CDC42EP1: variants seen among roughly 807,000 people sequenced by gnomAD.
CDC42EP1 encodes CDC42 effector protein 1.
Under a neutral mutation model 7.4 loss-of-function variants are expected in CDC42EP1, and 6 were observed. The observed-to-expected ratio is 0.81, with a 90% CI of 0.44 to 1.60. The LOEUF (loss-of-function observed/expected upper bound fraction) is 1.60. Among genes scored for constraint, CDC42EP1 ranks in the 40% most tolerant of loss-of-function variants. The pLI, the probability that CDC42EP1 is intolerant of heterozygous loss-of-function variation, is 0.01. For missense variants in CDC42EP1, 567 were observed against 539.0 expected (o/e 1.05, Z -0.51); for synonymous variants, 238 against 227.1 (o/e 1.05, Z -0.43).
intron 1 of CDC42EP1, among the ~76,000 whole-genome samples, chr22:37,562,642 C>T (rs951727706): frequency 2.6e-5 from 4 of 152,096 alleles, no homozygotes; most frequent in Admixed American, 6.5e-5. Flanking sequence ...GTCTCTCGAC[C>T]GCAGTAGGCA....
Position 37,568,320 on chromosome 22 carries a change from G to T in CDC42EP1, c.676G>T (p.Ala226Ser), listed in dbSNP as rs370872947. 2.5e-6 allele frequency: 4 copies of T among 1,609,924 alleles called. No homozygotes were observed. The African/African-American group carries it at 5.4e-5, about 22-fold the overall frequency. ...LPEAPAAETP[A>S]PAANPPAPTA... Reference sequence around the variant, plus strand: ...AGAAGCCCCTGCAGCTGAGACTCCAGCCCCCGCTGCAAACCCCCCAGCCCC... The same window carrying T: ...AGAAGCCCCTGCAGCTGAGACTCCATCCCCCGCTGCAAACCCCCCAGCCCC... The change falls in exon 3 of 3, where the codon GCC (alanine) becomes TCC (serine). Residue 226 changes from alanine to serine, a missense_variant. By Grantham distance (99) the Ala-to-Ser change is moderately conservative. Coordinates refer to ENST00000249014, the MANE Select transcript of CDC42EP1 (RefSeq NM_152243.3).
rs776700659 is a variant in CDC42EP1 at position 37,566,562 on chromosome 22, C to T, written c.213C>T (p.Ser71=). Residue 71 remains serine (S), a synonymous_variant, in exon 2 of 3, where the codon TCC becomes TCT. Coordinates refer to ENST00000249014, the MANE Select transcript of CDC42EP1 (RefSeq NM_152243.3). This position sits in a 1 kb window ranked among gnomAD's most constrained non-coding sequence, Gnocchi z 6.4. ...TCCTCAGCAACCACGGTGGCAGCTC[C>T]GGGAGCACCCATCGCTCACCCCGCA... The part of the protein sequence containing the change: ...TSFLSNHGGS[S]GSTHRSPRSF... 12 of 1,607,548 alleles carry T rather than the reference C, an allele frequency of 7.5e-6. No homozygotes were observed. The highest frequency in any genetic ancestry group is 3.3e-4 in the Middle Eastern group (2 of 6,042).
intron 1 of CDC42EP1, chr22:37,565,781 T>C (rs980362694): frequency 6.6e-6 from 1 of 151,872 alleles, no homozygotes; most frequent in African/African-American, 2.4e-5. Context: ...GGTTTCTCTA[T>C]GTTGGCCAGG....
At chr22:37,561,164 C>G (rs1369768067) in intron 1 of CDC42EP1, among the ~76,000 whole-genome samples, 2 of 152,204 alleles carry the variant, frequency 1.3e-5, no homozygotes, top group African/African-American at 4.8e-5. Flanking sequence ...AGCCCCGTCC[C>G]CCCAGGGAAT....
chr22:37,561,881 A>C (rs1925053062), intron 1 of CDC42EP1, among the ~76,000 whole-genome samples: 1 of 152,128 alleles, frequency 6.6e-6, no homozygotes, highest in African/African-American at 2.4e-5. Flanking sequence ...CCCCGCGACC[A>C]CATGTGCCTC....
Position 37,568,933 on chromosome 22 carries a change from C to A in CDC42EP1, c.*113C>A. The A allele has an allele frequency of 1.5e-6, 1 of 647,902 alleles. No individual in the cohort carries two copies. Among genetic ancestry groups the A allele is most frequent in the Non-Finnish European group, 2.4e-6 (1 of 419,596 alleles). 40.1% of individuals were successfully genotyped at this position (647,902 alleles called of 1,614,324 possible). ...GAAGTCATGTTGCCCCTAAACCCCTCCCCACCTCTGCAGGACAGACATGGG... is the reference window on the plus strand; with the variant it reads ...GAAGTCATGTTGCCCCTAAACCCCTACCCACCTCTGCAGGACAGACATGGG... On this transcript the variant is annotated 3_prime_UTR_variant, in exon 3 of 3. Transcript: ENST00000249014.
chr22:37,564,140 G>A (rs1323546185), intron 1 of CDC42EP1, among the ~76,000 whole-genome samples: 4 of 152,124 alleles, frequency 2.6e-5, no homozygotes, highest in Non-Finnish European at 5.9e-5. Context: ...CACAGGAAAA[G>A]CATAGGATCA....
rs574294353 is a variant in CDC42EP1, at chr22:37,569,155, G to T, written c.*335G>T. On this transcript the variant is annotated 3_prime_UTR_variant, in exon 3 of 3. Coordinates refer to ENST00000249014, the MANE Select transcript of CDC42EP1 (RefSeq NM_152243.3). ...CCAGACCAAGCGGCCCGTGGGGGGT[G>T]GGGGGCAGGGAGTGTACCACACAGG... is the stretch of plus-strand genomic sequence containing the variant. The T allele has an allele frequency of 5.3e-5, 11 of 207,596 alleles. No individual in the cohort carries two copies. In the South Asian group the frequency reaches 2.0e-3, roughly 38 times the overall value. The allele number at this position is 207,596 out of a possible 1,614,324, so 12.9% of individuals were successfully genotyped here.
rs574865436 is a variant in CDC42EP1, at chr22:37,566,928, A to G, written c.463+116A>G. 541 of 682,912 alleles carry G rather than the reference A, an allele frequency of 7.9e-4. 2 individuals are homozygous for G. The highest frequency in any genetic ancestry group is 3.2e-3 in the African/African-American group (171 of 54,158). 42.3% of individuals were successfully genotyped at this position (682,912 alleles called of 1,614,324 possible). A position where few individuals can be genotyped will look rare whatever the true frequency, so the allele number is the denominator to read the frequency against. On this transcript the variant is annotated intron_variant, in intron 2 of 2. Transcript: ENST00000249014. The surrounding 1 kb of genome is among the most constrained non-coding windows in gnomAD (Gnocchi z 6.4). ...CCAAGTGACCACAGAGGTCAGGCCCAGACCCCACATCATGGATGGGGAGGG... is the reference window on the plus strand; with the variant it reads ...CCAAGTGACCACAGAGGTCAGGCCCGGACCCCACATCATGGATGGGGAGGG...
intron 1 of CDC42EP1, among the ~76,000 whole-genome samples, chr22:37,562,373 G>A (rs1925075123): frequency 2.6e-5 from 4 of 152,216 alleles, no homozygotes; most frequent in Admixed American, 2.0e-4. Flanking sequence ...GCCAGGTGAG[G>A]CACACCTGAT....
At position 37,566,384 on chromosome 22, in the gene CDC42EP1, C is replaced by T. The variant is rs1339462632; in HGVS notation, c.35C>T (p.Thr12Ile). 6.4e-7 allele frequency: 1 copy of T among 1,568,668 alleles called. No individual in the cohort carries two copies. Among genetic ancestry groups the T allele is most frequent in the East Asian group, 2.3e-5 (1 of 42,868 alleles). The change falls in exon 2 of 3, where the codon ACC becomes ATC. Residue 12 changes from threonine (T) to isoleucine (I), a missense_variant. Transcript: ENST00000249014. This position sits in a 1 kb window ranked among gnomAD's most constrained non-coding sequence, Gnocchi z 6.4. ...PGPQGGRGAA[T>I]MSLGKLSPVG... The stretch of plus-strand genomic sequence containing the variant: ...CCCCAGGGGGGCAGAGGCGCCGCCA[C>T]CATGAGCCTGGGCAAGCTCTCGCCT...
At position 37,568,951 on chromosome 22, in the gene CDC42EP1, G is replaced by T; in HGVS notation, c.*131G>T. On this transcript the variant is annotated 3_prime_UTR_variant, in exon 3 of 3. Coordinates refer to ENST00000249014, the MANE Select transcript of CDC42EP1 (RefSeq NM_152243.3). ...AACCCCTCCCCACCTCTGCAGGACA[G>T]ACATGGGAGGGAGGACAGGGAAGGC... 1 of 552,496 alleles carries T rather than the reference G, an allele frequency of 1.8e-6. No homozygotes were observed. Among genetic ancestry groups the T allele is most frequent in the South Asian group, 6.4e-5 (1 of 15,518 alleles). The allele number at this position is 552,496 out of a possible 1,614,324, so 34.2% of individuals were successfully genotyped here.
At chr22:37,563,089 C>CA (rs1925105121) in intron 1 of CDC42EP1, among the ~76,000 whole-genome samples, 1 of 150,788 alleles carries the variant, frequency 6.6e-6, no homozygotes, top group African/African-American at 2.4e-5. Flanking sequence ...GCCTGGGTGA[C>CA]AGAGTGAGAC....
At chr22:37,563,403 C>G (rs1242330804) in intron 1 of CDC42EP1, among the ~76,000 whole-genome samples, 1 of 151,924 alleles carries the variant, frequency 6.6e-6, no homozygotes, top group Non-Finnish European at 1.5e-5. Context: ...AATGGTTGGC[C>G]AACTGTGGAT....
At chr22:37,563,502 C>G (rs748741870) in intron 1 of CDC42EP1, among the ~76,000 whole-genome samples, 21 of 152,156 alleles carry the variant, frequency 1.4e-4, no homozygotes, top group South Asian at 2.1e-4. Context: ...AGTTCCCCCC[C>G]ACGAGGGGGA....
chr22:37,565,941 G>A (rs1012373049), intron 1 of CDC42EP1, 131 bp from the exon 2 acceptor site: 35 of 161,916 alleles, frequency 2.2e-4, no homozygotes, highest in Middle Eastern at 2.8e-3. Flanking sequence ...CTTCTGCCCC[G>A]CGTCAGTTGG....
chr22:37,565,104 C>T (rs542139520), intron 1 of CDC42EP1, among the ~76,000 whole-genome samples: 1 of 151,804 alleles, frequency 6.6e-6, no homozygotes, highest in Non-Finnish European at 1.5e-5. Flanking sequence ...TGGGTTTAAA[C>T]GATGAGGCGG....
rs1026257847 is a variant in CDC42EP1, at chr22:37,568,724, G to A, written c.1080G>A (p.Ala360=). Residue 360 remains alanine, a synonymous_variant, in exon 3 of 3, where the codon GCG becomes GCA. Transcript: ENST00000249014. The part of the protein sequence containing the change: ...SWESLDEEWR[A]PQAGSRTPVP... ...AGAGCCTGGACGAAGAGTGGAGGGCGCCCCAGGCAGGCAGCAGGACCCCAG... is the reference window on the plus strand; with the variant it reads ...AGAGCCTGGACGAAGAGTGGAGGGCACCCCAGGCAGGCAGCAGGACCCCAG... 31 of 1,524,724 alleles carry A rather than the reference G, an allele frequency of 2.0e-5. No homozygotes were observed. The highest frequency in any genetic ancestry group is 1.7e-4 in the Admixed American group (8 of 45,970). 94.4% of individuals were successfully genotyped at this position (1,524,724 alleles called of 1,614,324 possible). A position where few individuals can be genotyped will look rare whatever the true frequency, so the allele number is the denominator to read the frequency against.
chr22:37,566,772 C>T lies in CDC42EP1; in HGVS notation c.423C>T (p.Asp141=), dbSNP rs573067727. The T allele has an allele frequency of 6.3e-7, 1 of 1,585,340 alleles. No individual in the cohort carries two copies. The highest frequency in any genetic ancestry group is 8.6e-7 in the Non-Finnish European group (1 of 1,166,266). The change falls in exon 2 of 3, where the codon GAC becomes GAT. Residue 141 remains aspartate (D), a synonymous_variant. Coordinates refer to ENST00000249014, the MANE Select transcript of CDC42EP1 (RefSeq NM_152243.3). This position sits in a 1 kb window ranked among gnomAD's most constrained non-coding sequence, Gnocchi z 6.4. ...DSLVVGKLSF[D]SSPTSSTDGH... is the part of the protein sequence containing the mutation. ...TCGTGGTTGGCAAGCTCAGCTTCGA[C>T]AGCAGCCCCACCAGCTCCACGGACG...
Sources: allele counts gnomAD v4.1 joint callset (sites outside exome capture counted in the v4.1 genomes callset), GRCh38; gene constraint gnomAD v4.1.1; non-coding constraint Gnocchi (gnomAD v3.1); transcripts MANE v1.5; gene names NCBI Gene and HGNC (gene_info 2026-07-23, HGNC 2026-07-21).